Variants in DYNC2H1 observed in about 807,000 individuals in gnomAD.
DYNC2H1 encodes dynein cytoplasmic 2 heavy chain 1.
In DYNC2H1, 410 loss-of-function variants were observed where a neutral mutation model predicts 570.0. The observed-to-expected ratio is 0.72, with a 90% CI of 0.66 to 0.78. The LOEUF (loss-of-function observed/expected upper bound fraction) is 0.78. Ranked by LOEUF, DYNC2H1 falls within the 30% of genes least tolerant of loss-of-function variation. DYNC2H1 has a pLI of 0.00. For missense variants in DYNC2H1, 4,865 were observed against 5,046.4 expected (o/e 0.96, Z 1.09); for synonymous variants, 1,688 against 1,677.6 (o/e 1.01, Z -0.15).
At chr11:103,374,071 T>G (rs965050564) in intron 83 of DYNC2H1, among the ~76,000 whole-genome samples, 9 of 152,240 alleles carry the variant, frequency 5.9e-5, no homozygotes, top group African/African-American at 1.9e-4. Flanking sequence ...CCATTTGTCT[T>G]TAATGAGTAG....
intron 70 of DYNC2H1, among the ~76,000 whole-genome samples, chr11:103,273,212 T>C (rs752723466): frequency 9.2e-5 from 14 of 151,742 alleles, no homozygotes; most frequent in African/African-American, 2.9e-4. Flanking sequence ...CTTTTTTTGA[T>C]AGAGTCTTGC....
rs574785463 is a variant in DYNC2H1 at position 103,182,383 on chromosome 11, G to C, written c.6477+497G>C. Among the ~76,000 whole-genome samples, 160 of 151,306 alleles carry C rather than the reference G, an allele frequency of 1.1e-3. 7 individuals carry two copies. The South Asian group carries it at 0.015, about 14-fold the overall frequency. ...TGAAGTTAGCACTAAACTAGAAAAG[G>C]GATGGTGAGTTATTTGCAATAATGA... On this transcript the variant is annotated intron_variant, in intron 40 of 88. Coordinates refer to ENST00000375735, the MANE Select transcript of DYNC2H1 (RefSeq NM_001377.3).
chr11:103,147,821 G>A lies in DYNC2H1; in HGVS notation c.2752G>A (p.Val918Met). The A allele has an allele frequency of 6.2e-7, 1 of 1,612,010 alleles. No individual in the cohort carries two copies. Among genetic ancestry groups the A allele is most frequent in the Non-Finnish European group, 8.5e-7 (1 of 1,179,204 alleles). The change falls in exon 19 of 89, where the codon GTG becomes ATG. Residue 918 changes from valine (V) to methionine (M), a missense_variant. Coordinates refer to ENST00000375735, the MANE Select transcript of DYNC2H1 (RefSeq NM_001377.3). ...TATTAATTGCAACCCTGTGAAGACT[G>A]TGATTGATGATCTCATCCAGAAGTT... Reference protein sequence around the residue: ...LNINCNPVKTVIDDLIQKLFD... With the variant: ...LNINCNPVKTMIDDLIQKLFD...
intron 82 of DYNC2H1, among the ~76,000 whole-genome samples, chr11:103,336,824 C>T (rs1939158409): frequency 6.6e-6 from 1 of 152,098 alleles, no homozygotes; most frequent in South Asian, 2.1e-4. Context: ...GGTATATACC[C>T]AGCAGTGAGA....
chr11:103,477,772 A>G (rs531907425), intron 88 of DYNC2H1, among the ~76,000 whole-genome samples: 114 of 141,232 alleles, frequency 8.1e-4, no homozygotes, highest in Non-Finnish European at 1.1e-3. Context: ...TGGAGCTTGC[A>G]GTGAGCCGAA....
chr11:103,116,383 T>C (rs1375422315), intron 4 of DYNC2H1, among the ~76,000 whole-genome samples, 187 bp from the exon 5 acceptor site: 3 of 152,046 alleles, frequency 2.0e-5, no homozygotes, highest in Non-Finnish European at 4.4e-5. Flanking sequence ...TTTCATGACA[T>C]TGATGTTTGG....
rs190037845 is a variant in DYNC2H1 at position 103,336,696 on chromosome 11, A to G, written c.12039+12706A>G. On this transcript the variant is annotated intron_variant, in intron 82 of 88. Transcript: ENST00000375735. ...TTTATGTGTACCATATTTTTTCTTT[A>G]TCCATTCATCTGTTGATGGGCACTT... 4.1e-3 allele frequency among the ~76,000 whole-genome samples: 620 copies of G among 152,162 alleles called. 3 individuals carry two copies. Among genetic ancestry groups the G allele is most frequent in the African/African-American group, 0.014 (575 of 41,518 alleles).
intron 70 of DYNC2H1, among the ~76,000 whole-genome samples, chr11:103,269,516 GATT>G (rs1865621811): frequency 6.6e-6 from 1 of 152,132 alleles, no homozygotes; most frequent in African/African-American, 2.4e-5. Flanking sequence ...GAGAGACTAG[GATT>G]ATTAATATTC....
At chr11:103,169,076 A>G in intron 32 of DYNC2H1, 116 bp downstream of exon 32, 1 of 948,414 alleles carries the variant, frequency 1.1e-6, no homozygotes, top group Non-Finnish European at 1.5e-6. Flanking sequence ...TAATATTTTT[A>G]GTATTATTGT....
rs2135094055 is a variant in DYNC2H1 at position 103,203,383 on chromosome 11, A to C, written c.8198-280A>C. Among the ~76,000 whole-genome samples, 1 of 152,232 alleles carries C rather than the reference A, an allele frequency of 6.6e-6. No individual in the cohort carries two copies. Among genetic ancestry groups the C allele is most frequent in the East Asian group, 1.9e-4 (1 of 5,172 alleles). On this transcript the variant is annotated intron_variant, in intron 50 of 88. Transcript: ENST00000375735. This position sits in a 1 kb window ranked among gnomAD's most constrained non-coding sequence, Gnocchi z 4.7. ...TATTTTGTTGTGTTTATGGAACACA[A>C]GTTTATTGAGGCTAGAGTACAAGGT...
chr11:103,347,721 C>T (rs1170484468), intron 82 of DYNC2H1, among the ~76,000 whole-genome samples: 2 of 152,104 alleles, frequency 1.3e-5, no homozygotes, highest in African/African-American at 4.8e-5. Context: ...CCTTGTCACC[C>T]ACCTTTTAGT....
intron 83 of DYNC2H1, among the ~76,000 whole-genome samples, chr11:103,380,375 A>G (rs892357065): frequency 3.3e-5 from 5 of 152,208 alleles, no homozygotes; most frequent in Non-Finnish European, 5.9e-5. Flanking sequence ...AGGAACTAAT[A>G]TGCAATAGGT....
intron 83 of DYNC2H1, among the ~76,000 whole-genome samples, chr11:103,365,812 T>A (rs1360146636): frequency 6.6e-6 from 1 of 152,234 alleles, no homozygotes; most frequent in Non-Finnish European, 1.5e-5. Context: ...TTCAGATTGG[T>A]TGAAACTAAA....
intron 20 of DYNC2H1, among the ~76,000 whole-genome samples, chr11:103,150,361 G>A (rs1177739607): frequency 6.6e-6 from 1 of 151,966 alleles, no homozygotes; most frequent in Non-Finnish European, 1.5e-5. Flanking sequence ...AAGAGATGAT[G>A]GAAGCTTGTA....
At chr11:103,383,639 A>G (rs1281641749) in intron 83 of DYNC2H1, among the ~76,000 whole-genome samples, 1 of 128,912 alleles carries the variant, frequency 7.8e-6, no homozygotes, top group Non-Finnish European at 1.7e-5. Context: ...ACGCCCAGCT[A>G]ATTTTTTTGT....
chr11:103,457,060 G>T (rs943885249), intron 87 of DYNC2H1, among the ~76,000 whole-genome samples: 4 of 152,172 alleles, frequency 2.6e-5, no homozygotes, highest in African/African-American at 9.7e-5. Context: ...AAATTATAAT[G>T]AAGCTGAAAA....
chr11:103,469,717 A>C (rs1040811611), intron 88 of DYNC2H1, among the ~76,000 whole-genome samples: 1 of 152,166 alleles, frequency 6.6e-6, no homozygotes, highest in Non-Finnish European at 1.5e-5. Context: ...AATTAGAGTG[A>C]CTATAAGATA....
At chr11:103,311,250 C>T (rs11225684) in intron 78 of DYNC2H1, among the ~76,000 whole-genome samples, 26,357 of 151,906 alleles carry the variant, frequency 0.17, 2,477 homozygotes, top group Admixed American at 0.26. Flanking sequence ...TTGCTATTTT[C>T]CCATGAACTT....
At chr11:103,403,012 G>A (rs890974160) in intron 84 of DYNC2H1, 3 of 152,068 alleles carry the variant, frequency 2.0e-5, no homozygotes, top group Admixed American at 1.3e-4. Flanking sequence ...GTAGAAGCCC[G>A]AGGAGATTGG....
Sources: gnomAD v4.1 joint callset for allele counts (sites outside exome capture counted in the v4.1 genomes callset) on GRCh38, gnomAD v4.1.1 for gene constraint, Gnocchi (gnomAD v3.1) non-coding constraint, MANE v1.5 for transcripts, NCBI Gene and HGNC (gene_info 2026-07-23, HGNC 2026-07-21) for gene names.